The following RAB33B variants were observed in gnomAD, a reference collection of about 807,000 sequenced individuals.
RAB33B encodes the protein RAB33B, member RAS oncogene family.
RAB33B carries 6 observed loss-of-function variants against 15.0 expected under a neutral mutation model. The observed-to-expected ratio is 0.40, with a 90% CI of 0.22 to 0.79. RAB33B has a LOEUF of 0.79. Ranked by LOEUF, RAB33B falls within the 30% of genes least tolerant of loss-of-function variation. RAB33B has a pLI of 0.37. For missense variants in RAB33B, 257 were observed against 296.4 expected (o/e 0.87, Z 0.98); for synonymous variants, 117 against 108.3 (o/e 1.08, Z -0.50).
chr4:139,458,415 A>G (rs1750110594), intron 1 of RAB33B, among the ~76,000 whole-genome samples: 1 of 152,190 alleles, frequency 6.6e-6, no homozygotes. Flanking sequence ...CATATTAAGC[A>G]TAGTACCCAA....
upstream of RAB33B, chr4:139,451,038 ATT>A (rs138371757): frequency 0.2 from 30,797 of 151,398 alleles, 3,437 homozygotes; most frequent in Non-Finnish European, 0.26. Context: ...AATAGCTGGG[ATT>A]AAAGGCACCT....
At chr4:139,439,139 T>A in the RAB33B span, among the ~76,000 whole-genome samples, 1 of 152,172 alleles carries the variant, frequency 6.6e-6, no homozygotes, top group Non-Finnish European at 1.5e-5. Context: ...TAGCTGGGAC[T>A]ACAGGCACCC....
chr4:139,470,904 A>G (rs1382425345), intron 1 of RAB33B, among the ~76,000 whole-genome samples: 3 of 152,008 alleles, frequency 2.0e-5, no homozygotes, highest in Non-Finnish European at 4.4e-5. Flanking sequence ...GCTGGTATCT[A>G]AGATCAAGAG....
intron 1 of RAB33B, among the ~76,000 whole-genome samples, chr4:139,472,330 G>A (rs1462184114): frequency 6.6e-6 from 1 of 152,138 alleles, no homozygotes; most frequent in Non-Finnish European, 1.5e-5. Flanking sequence ...GGGGTGTATA[G>A]TAACCAAATT....
chr4:139,460,643 C>CTTGAT (rs1243840903), intron 1 of RAB33B, among the ~76,000 whole-genome samples: 1 of 152,108 alleles, frequency 6.6e-6, no homozygotes, highest in Non-Finnish European at 1.5e-5. Flanking sequence ...AACTGGTTCT[C>CTTGAT]TTGATTTGAT....
rs552168112 is a variant in RAB33B at position 139,468,363 on chromosome 4, G to A, written c.250-4323G>A. Among the ~76,000 whole-genome samples, 9 of 152,214 alleles carry A rather than the reference G, an allele frequency of 5.9e-5. No homozygotes were observed. The South Asian group carries it at 1.9e-3, about 32-fold the overall frequency. ...GAATTCAAGATGAGATTTGGGTGGG[G>A]ACACAGCCAAACCATATCACCTGAT... On this transcript the variant is annotated intron_variant, in intron 1 of 1. Coordinates refer to ENST00000305626, the MANE Select transcript of RAB33B (RefSeq NM_031296.3).
intron 1 of RAB33B, among the ~76,000 whole-genome samples, chr4:139,467,576 G>A (rs1009290115): frequency 6.6e-6 from 1 of 151,656 alleles, no homozygotes; most frequent in Non-Finnish European, 1.5e-5. Flanking sequence ...GACAATTCAG[G>A]CCAGGTGCAG....
chr4:139,467,448 G>A (rs1274602199), intron 1 of RAB33B, among the ~76,000 whole-genome samples: 1 of 141,960 alleles, frequency 7.0e-6, no homozygotes, highest in Non-Finnish European at 1.5e-5. Flanking sequence ...TGGATACATA[G>A]TAGGTGTATA....
the RAB33B span, among the ~76,000 whole-genome samples, chr4:139,439,537 A>G: frequency 2.0e-5 from 3 of 152,110 alleles, no homozygotes; most frequent in Non-Finnish European, 2.9e-5. Flanking sequence ...TGGTTTATTG[A>G]ACTTCTTAGA....
At chr4:139,451,362 ACTTTTTTTTT>A (rs1269737450), upstream of RAB33B, 3 of 108,818 alleles carry the variant, frequency 2.8e-5, no homozygotes, top group African/African-American at 1.1e-4. Context: ...AACCACACCC[ACTTTTTTTTT>A]TTTTTTTTTT....
chr4:139,467,922 C>T, intron 1 of RAB33B, among the ~76,000 whole-genome samples: 1 of 150,182 alleles, frequency 6.7e-6, no homozygotes. Context: ...TATAGTCACC[C>T]TATTGCCTAT....
chr4:139,467,847 T>A (rs1252646822), intron 1 of RAB33B, among the ~76,000 whole-genome samples: 1 of 146,818 alleles, frequency 6.8e-6, no homozygotes, highest in African/African-American at 2.5e-5. Context: ...AATAGAGCAA[T>A]GTCCTGTCTC....
rs913370870 is a variant in RAB33B at position 139,454,144 on chromosome 4, C to T, written c.-52C>T. On this transcript the variant is annotated 5_prime_UTR_variant, in exon 1 of 2. Transcript: ENST00000305626. ...GCGCTCTTGCGGTGGCGTAATCTCTCAGCCTTTCTGTGTCTCCTTTCCTCC... is the reference window on the plus strand; with the variant it reads ...GCGCTCTTGCGGTGGCGTAATCTCTTAGCCTTTCTGTGTCTCCTTTCCTCC... 3.2e-6 allele frequency: 5 copies of T among 1,558,034 alleles called. No homozygotes were observed. Among genetic ancestry groups the T allele is most frequent in the Non-Finnish European group, 4.3e-6 (5 of 1,152,450 alleles).
intron 1 of RAB33B, 64 bp from the exon 2 acceptor site, chr4:139,472,622 C>A: frequency 8.6e-7 from 1 of 1,162,248 alleles, no homozygotes; most frequent in Non-Finnish European, 1.2e-6. Context: ...AAGATGATTA[C>A]ATTTCTTGAT....
intron 1 of RAB33B, among the ~76,000 whole-genome samples, chr4:139,454,840 T>C (rs191569477): frequency 6.6e-6 from 1 of 152,280 alleles, no homozygotes; most frequent in African/African-American, 2.4e-5. Flanking sequence ...TGCGCGAGAA[T>C]GGAAAATTCA....
intron 1 of RAB33B, among the ~76,000 whole-genome samples, chr4:139,457,911 A>G (rs1339198166): frequency 2.0e-5 from 3 of 152,122 alleles, no homozygotes; most frequent in African/African-American, 7.2e-5. Context: ...TTCCACCTGC[A>G]CACTTTCTAT....
chr4:139,448,232 C>T (rs928310905), upstream of RAB33B, among the ~76,000 whole-genome samples: 2 of 152,110 alleles, frequency 1.3e-5, no homozygotes, highest in African/African-American at 4.8e-5. Flanking sequence ...GTTACGCCAC[C>T]AGGAAAAAAA....
the RAB33B span, among the ~76,000 whole-genome samples, chr4:139,447,471 G>A: frequency 1.3e-5 from 2 of 151,996 alleles, no homozygotes; most frequent in African/African-American, 4.8e-5. Flanking sequence ...CTGGCTTAGA[G>A]GTCTTAGTTT....
At chr4:139,456,037 G>A (rs1579173054) in intron 1 of RAB33B, among the ~76,000 whole-genome samples, 2 of 152,190 alleles carry the variant, frequency 1.3e-5, no homozygotes, top group African/African-American at 4.8e-5. Flanking sequence ...CTCAGAGTCT[G>A]TATTTTTCTT....
Sources: allele counts gnomAD v4.1 joint callset (sites outside exome capture counted in the v4.1 genomes callset), GRCh38; gene constraint gnomAD v4.1.1; transcripts MANE v1.5; gene names NCBI Gene and HGNC (gene_info 2026-07-23, HGNC 2026-07-21).